TNS1: variants seen among roughly 807,000 people sequenced by gnomAD.
TNS1 encodes the protein tensin-1.
Under a neutral mutation model 168.6 loss-of-function variants are expected in TNS1, and 62 were observed. The ratio of observed to expected loss-of-function variants is 0.37; its 90% CI spans 0.30 to 0.45. TNS1 has a LOEUF of 0.45. Among genes scored for constraint, TNS1 ranks in the 20% least tolerant of loss-of-function variants. TNS1 has a pLI of 1.00. For missense variants in TNS1, 2,240 were observed against 2,339.4 expected (o/e 0.96, Z 0.88); for synonymous variants, 934 against 933.2 (o/e 1.00, Z -0.02).
intron 18 of TNS1, 93 bp from the exon 19 acceptor site, chr2:217,849,180 A>C: frequency 6.8e-7 from 1 of 1,460,492 alleles, no homozygotes; most frequent in Admixed American, 2.0e-5. Flanking sequence ...AGAAGCTAAG[A>C]GCTCCCATGC....
chr2:217,846,121 G>A (rs572893357), intron 19 of TNS1, among the ~76,000 whole-genome samples: 35 of 152,270 alleles, frequency 2.3e-4, no homozygotes, highest in South Asian at 6.2e-4. Flanking sequence ...CCCATGGAGC[G>A]TTTCATCCGA....
In TNS1 at chr2:217,834,111, G is replaced by A. The variant is rs959838432; in HGVS notation, c.3280+980C>T. On this transcript the variant is annotated intron_variant, in intron 21 of 32. Coordinates refer to ENST00000682258, the MANE Select transcript of TNS1 (RefSeq NM_001387777.1). ...ACAGTACTGCTCAAGGGAGAGCCAC[G>A]GCTTCCTGGGGCCACCAATCAGTCA... Among the ~76,000 whole-genome samples the A allele has an allele frequency of 3.3e-5, 5 of 152,194 alleles. No homozygotes were observed. The South Asian group carries it at 6.2e-4, about 19-fold the overall frequency.
At chr2:217,922,682 A>G (rs1955785939) in intron 3 of TNS1, among the ~76,000 whole-genome samples, 1 of 152,216 alleles carries the variant, frequency 6.6e-6, no homozygotes, top group Non-Finnish European at 1.5e-5. Flanking sequence ...ACTCTCAGGC[A>G]GTGGACAGGA....
In TNS1 at chr2:217,949,150, C is replaced by T. The variant is rs550207751; in HGVS notation, c.187-28914G>A. The stretch of plus-strand genomic sequence containing the variant: ...GGTTCCAGCCCGACTCAGCCTCCAA[C>T]GCCCTTGGTGACCAGAGGAAATTCT... On this transcript the variant is annotated intron_variant, in intron 3 of 32. Coordinates refer to ENST00000682258, the MANE Select transcript of TNS1 (RefSeq NM_001387777.1). 1.4e-4 allele frequency among the ~76,000 whole-genome samples: 22 copies of T among 152,346 alleles called. No individual in the cohort carries two copies. The South Asian group carries it at 2.7e-3, about 19-fold the overall frequency.
At chr2:217,808,131 G>A in intron 31 of TNS1, 24 bp from the exon 32 acceptor site, 1 of 1,612,178 alleles carries the variant, frequency 6.2e-7, no homozygotes, top group Non-Finnish European at 8.5e-7. Context: ...GTGGGCTCAG[G>A]GTAAATCATC....
At chr2:217,893,157 CAG>C in intron 10 of TNS1, 145 bp from the exon 11 acceptor site, 1 of 1,103,946 alleles carries the variant, frequency 9.1e-7, no homozygotes, top group Non-Finnish European at 1.3e-6. Context: ...AAGGGGGCCT[CAG>C]GGGAGGGAGG....
chr2:217,924,537 T>G (rs73078368), intron 3 of TNS1, among the ~76,000 whole-genome samples: 3,623 of 152,284 alleles, frequency 0.024, 156 homozygotes, highest in African/African-American at 0.081. Context: ...AATAAATGTC[T>G]GTTGAAGAAT....
intron 2 of TNS1, among the ~76,000 whole-genome samples, chr2:217,981,262 C>T (rs1958041229): frequency 6.6e-6 from 1 of 152,340 alleles, no homozygotes; most frequent in Non-Finnish European, 1.5e-5. Flanking sequence ...TGAGAAGGTG[C>T]CCTTTCTCCA....
chr2:217,900,481 G>C lies in TNS1; in HGVS notation c.353C>G (p.Pro118Arg). ...GGCATACCTGATGGGCTGGAGGTGG[G>C]GCTGGACACTCGGGGTGACCCTGGT... The part of the protein sequence containing the change: ...GSTRVTPSVQ[P>R]HLQPIRNMSV... The change falls in exon 7 of 33, where the codon CCC becomes CGC. Residue 118 changes from proline to arginine, a missense_variant. Pro to Arg is a moderately radical substitution (Grantham distance 103). This residue lies in a region of TNS1 where 2,131 missense variants were observed against 2,171.2 expected (regional missense o/e 0.98). Transcript: ENST00000682258. 1.3e-6 allele frequency: 2 copies of C among 1,535,458 alleles called. No homozygotes were observed. The highest frequency in any genetic ancestry group is 1.7e-6 in the Non-Finnish European group (2 of 1,146,730).
intron 30 of TNS1, chr2:217,809,613 G>GGATGGA: frequency 2.7e-6 from 1 of 374,984 alleles, no homozygotes. Flanking sequence ...GGATGGATGG[G>GGATGGA]TGCATGGATG....
chr2:217,812,569 C>T, intron 27 of TNS1, 124 bp from the exon 28 acceptor site: 1 of 715,800 alleles, frequency 1.4e-6, no homozygotes, highest in Non-Finnish European at 2.3e-6. Context: ...CCTCAACCCA[C>T]CACCAAAGCT....
chr2:217,813,365 C>T lies in TNS1; in HGVS notation c.4862-58G>A. 4 of 1,346,912 alleles carry T rather than the reference C, an allele frequency of 3.0e-6. No homozygotes were observed. The South Asian group carries it at 5.0e-5, about 17-fold the overall frequency. The allele number at this position is 1,346,912 out of a possible 1,614,324, so 83.4% of individuals were successfully genotyped here. The stretch of plus-strand genomic sequence containing the variant: ...CCTGCCCATGGCTTCCTCCCACCAC[C>T]TCCCAAGACTGCTTCAAAACTTCCG... On this transcript the variant is annotated intron_variant, in intron 26 of 32. Coordinates refer to ENST00000682258, the MANE Select transcript of TNS1 (RefSeq NM_001387777.1). The surrounding 1 kb of genome is among the most constrained non-coding windows in gnomAD (Gnocchi z 4.0).
Position 217,821,881 on chromosome 2 carries a change from T to C in TNS1, c.3431A>G (p.Gln1144Arg), listed in dbSNP as rs775077021. The C allele has an allele frequency of 1.9e-6, 3 of 1,589,984 alleles. No individual in the cohort carries two copies. The Admixed American group carries it at 5.3e-5, about 28-fold the overall frequency. Residue 1144 changes from glutamine (Q) to arginine (R), a missense_variant, in exon 23 of 33, where the codon CAG becomes CGG. Transcript: ENST00000682258. ...ACTAAAGCTCTTGGGCTCAGAGTCC[T>C]GAGCTCGGGGTCCAGCCACCGCTGT... ...ARTAVAGPRAQDSEPKSFSAP... is the reference protein window; with the variant it reads ...ARTAVAGPRARDSEPKSFSAP...
At chr2:217,882,453 CA>C (rs752462402) in intron 16 of TNS1, 42 bp from the exon 17 acceptor site, 3 of 1,415,774 alleles carry the variant, frequency 2.1e-6, no homozygotes, top group South Asian at 1.3e-5. Context: ...CAAAAAGTCC[CA>C]AAAAGGATTC....
intron 2 of TNS1, among the ~76,000 whole-genome samples, chr2:217,990,090 C>T (rs1326343156): frequency 7.4e-5 from 11 of 149,582 alleles, no homozygotes; most frequent in Admixed American, 2.7e-4. Context: ...ACACCAGCCA[C>T]GGACCCTCAA....
At chr2:217,922,274 C>G (rs1016993005) in intron 3 of TNS1, among the ~76,000 whole-genome samples, 1 of 152,230 alleles carries the variant, frequency 6.6e-6, no homozygotes, top group Non-Finnish European at 1.5e-5. Context: ...CCCTGCCAAG[C>G]ACAGCACCAA....
At chr2:217,845,324 A>G (rs188248831) in intron 19 of TNS1, among the ~76,000 whole-genome samples, 5 of 152,248 alleles carry the variant, frequency 3.3e-5, no homozygotes, top group African/African-American at 1.2e-4. Flanking sequence ...AGATGTAGAC[A>G]GAGCAGAAAG....
intron 1 of TNS1, among the ~76,000 whole-genome samples, chr2:218,023,604 A>G (rs1958828003): frequency 6.6e-6 from 1 of 152,136 alleles, no homozygotes; most frequent in Admixed American, 6.5e-5. Context: ...TTTCTTGAGC[A>G]CCTACTTCAT....
chr2:217,878,968 C>T (rs958276254), intron 18 of TNS1, among the ~76,000 whole-genome samples: 1 of 152,166 alleles, frequency 6.6e-6, no homozygotes, highest in African/African-American at 2.4e-5. Context: ...AGGGATGGAA[C>T]CAGCAGGACC....
Sources: allele counts gnomAD v4.1 joint callset (sites outside exome capture counted in the v4.1 genomes callset), GRCh38; gene constraint gnomAD v4.1.1; regional missense constraint gnomAD v4.1.1; non-coding constraint Gnocchi (gnomAD v3.1); transcripts MANE v1.5; gene names NCBI Gene and HGNC (gene_info 2026-07-23, HGNC 2026-07-21).